The following GOLGA8B variants were observed in gnomAD, a reference collection of about 807,000 sequenced individuals.
The protein encoded by GOLGA8B is golgin subfamily A member 8B.
GOLGA8B carries 1 observed loss-of-function variant against 15.6 expected under a neutral mutation model. The ratio of observed to expected loss-of-function variants is 0.06; its 90% CI spans 0.02 to 0.30. The LOEUF is 0.30. Among genes scored for constraint, GOLGA8B ranks in the 10% least tolerant of loss-of-function variants. GOLGA8B has a pLI of 1.00. For synonymous variants in GOLGA8B, 9 were observed against 80.3 expected (o/e 0.11, Z 4.75); for missense variants, 17 against 201.3 (o/e 0.08, Z 5.54).
chr15:34,570,779 G>C (rs546633836), intron 1 of GOLGA8B, among the ~76,000 whole-genome samples: 1 of 108,736 alleles, frequency 9.2e-6, no homozygotes, highest in African/African-American at 3.1e-5. Context: ...TGATCAGCTA[G>C]AAAACAAGGC....
chr15:34,554,342 G>A (rs1042729073), intron 1 of GOLGA8B, among the ~76,000 whole-genome samples: 3 of 152,248 alleles, frequency 2.0e-5, no homozygotes, highest in Non-Finnish European at 2.9e-5. Flanking sequence ...GTGCACATGT[G>A]TGCATGTGTG....
intron 1 of GOLGA8B, among the ~76,000 whole-genome samples, chr15:34,571,869 A>C (rs1888923510): frequency 6.6e-6 from 1 of 152,112 alleles, no homozygotes; most frequent in Admixed American, 6.5e-5. Flanking sequence ...GTCTTTAAAC[A>C]AATTCAAAGG....
intron 1 of GOLGA8B, among the ~76,000 whole-genome samples, chr15:34,568,026 G>A (rs1385415369): frequency 6.6e-6 from 1 of 150,606 alleles, no homozygotes; most frequent in East Asian, 2.0e-4. Context: ...CTCAGATAAT[G>A]GAGACCCACC....
chr15:34,561,438 A>G (rs1888625332), intron 1 of GOLGA8B, among the ~76,000 whole-genome samples: 1 of 142,482 alleles, frequency 7.0e-6, no homozygotes, highest in Non-Finnish European at 1.5e-5. Context: ...CCCTGTACTT[A>G]TTAAGCAGTC....
intron 1 of GOLGA8B, among the ~76,000 whole-genome samples, chr15:34,572,051 G>A (rs76138015): frequency 6.6e-6 from 1 of 152,218 alleles, no homozygotes; most frequent in African/African-American, 2.4e-5. Context: ...ATTAAGCACA[G>A]AAGAAACAGC....
chr15:34,573,533 T>G (rs1369888338), intron 1 of GOLGA8B, among the ~76,000 whole-genome samples: 3 of 64,906 alleles, frequency 4.6e-5, no homozygotes, highest in Admixed American at 2.5e-4. Flanking sequence ...TGAGACTCCG[T>G]CTCAAAAAAA....
intron 1 of GOLGA8B, among the ~76,000 whole-genome samples, chr15:34,571,058 G>A (rs1452581845): frequency 6.8e-6 from 1 of 147,606 alleles, no homozygotes; most frequent in Non-Finnish European, 1.5e-5. Flanking sequence ...GGGTAGGGTG[G>A]CTCATGCCTG....
Position 34,570,696 on chromosome 15 carries a change from A to T in GOLGA8B, c.-1123+12820T>A, listed in dbSNP as rs1209788744. On this transcript the variant is annotated intron_variant, in intron 1 of 23. Transcript: ENST00000683415. The stretch of plus-strand genomic sequence containing the variant: ...GAAGAATGACAAACCATTTACATCA[A>T]CAGAGAGACTGAAGCAAGGTGGGCA... Among the ~76,000 whole-genome samples the T allele has an allele frequency of 2.4e-5, 3 of 127,512 alleles. 1 individual carries two copies. Among genetic ancestry groups the T allele is most frequent in the Non-Finnish European group, 5.2e-5 (3 of 58,128 alleles). The allele number at this position is 127,512 out of a possible 152,430, so 83.7% of individuals were successfully genotyped here. A position where few individuals can be genotyped will look rare whatever the true frequency, so the allele number is the denominator to read the frequency against.
Position 34,564,979 on chromosome 15 carries a change from A to G in GOLGA8B, c.-1122-11023T>C, listed in dbSNP as rs1400942110. Among the ~76,000 whole-genome samples the G allele has an allele frequency of 2.1e-5, 3 of 143,620 alleles. 1 individual carries two copies. The highest frequency in any genetic ancestry group is 4.8e-5 in the Non-Finnish European group (3 of 62,532). The allele number at this position is 143,620 out of a possible 152,430, so 94.2% of individuals were successfully genotyped here. ...GAGGGATGAATTAAGGGGCTGGAAA[A>G]CTGGCAGCAGGACGGCCTGTGCCCA... On this transcript the variant is annotated intron_variant, in intron 1 of 23. Coordinates refer to ENST00000683415, the MANE Select transcript of GOLGA8B (RefSeq NM_001023567.5).
chr15:34,547,814 AC>A (rs1339756376), intron 4 of GOLGA8B, among the ~76,000 whole-genome samples: 10 of 124,180 alleles, frequency 8.1e-5, no homozygotes, highest in Non-Finnish European at 1.6e-4. Flanking sequence ...GCCCTAACCA[AC>A]ATTAGTTTTC....
At chr15:34,577,609 G>A (rs1357696956) in intron 1 of GOLGA8B, among the ~76,000 whole-genome samples, 1 of 149,446 alleles carries the variant, frequency 6.7e-6, no homozygotes, top group Non-Finnish European at 1.5e-5. Context: ...TTATCATTAG[G>A]CAATTTCATC....
intron 1 of GOLGA8B, among the ~76,000 whole-genome samples, chr15:34,576,992 G>A (rs928618526): frequency 6.7e-6 from 1 of 150,276 alleles, no homozygotes; most frequent in Non-Finnish European, 1.5e-5. Flanking sequence ...ATGGGACACA[G>A]ACCTCCACGT....
At chr15:34,579,386 G>A (rs1203469212) in intron 1 of GOLGA8B, among the ~76,000 whole-genome samples, 8 of 152,148 alleles carry the variant, frequency 5.3e-5, no homozygotes, top group African/African-American at 1.2e-4. Context: ...TCCAGATGGA[G>A]TGGGAAGGGA....
chr15:34,576,713 A>G (rs1408475777), intron 1 of GOLGA8B, among the ~76,000 whole-genome samples: 1 of 152,228 alleles, frequency 6.6e-6, no homozygotes, highest in Non-Finnish European at 1.5e-5. Context: ...TCAGGGGCTC[A>G]GAATCTAGCA....
intron 5 of GOLGA8B, 57 bp downstream of exon 5, chr15:34,546,878 G>A (rs930238707): frequency 2.4e-5 from 2 of 83,226 alleles, no homozygotes; most frequent in Non-Finnish European, 4.4e-5. Context: ...TGCTTTATTC[G>A]TTACCCCGTA....
chr15:34,567,755 C>A (rs3853307), intron 1 of GOLGA8B, among the ~76,000 whole-genome samples: 17 of 151,784 alleles, frequency 1.1e-4, no homozygotes, highest in African/African-American at 3.4e-4. Context: ...CTAAAAGTTA[C>A]CATACAGATT....
At position 34,573,460 on chromosome 15, in the gene GOLGA8B, C is replaced by T. The variant is rs2002385; in HGVS notation, c.-1123+10056G>A. Among the ~76,000 whole-genome samples, 556 of 149,934 alleles carry T rather than the reference C, an allele frequency of 3.7e-3. 6 individuals are homozygous for T. Among genetic ancestry groups the T allele is most frequent in the African/African-American group, 0.013 (533 of 40,622 alleles). ...GCTGAGGAAGGAGAATGGCGTGAAC[C>T]CAGGAGGTGGAGCTTACAGTAAGCC... is the stretch of plus-strand genomic sequence containing the variant. On this transcript the variant is annotated intron_variant, in intron 1 of 23. Coordinates refer to ENST00000683415, the MANE Select transcript of GOLGA8B (RefSeq NM_001023567.5).
intron 1 of GOLGA8B, among the ~76,000 whole-genome samples, chr15:34,571,200 C>T (rs566841897): frequency 1.0e-3 from 156 of 152,220 alleles, no homozygotes; most frequent in Middle Eastern, 3.4e-3. Context: ...GTGGACCCTA[C>T]TACTTGGGAG....
At chr15:34,580,216 G>A (rs954506636) in intron 1 of GOLGA8B, among the ~76,000 whole-genome samples, 7 of 152,296 alleles carry the variant, frequency 4.6e-5, no homozygotes, top group African/African-American at 1.4e-4. Context: ...GATGGGGTGG[G>A]GACAACCCAG....
Sources: allele counts gnomAD v4.1 joint callset (sites outside exome capture counted in the v4.1 genomes callset), GRCh38; gene constraint gnomAD v4.1.1; transcripts MANE v1.5; gene names NCBI Gene and HGNC (gene_info 2026-07-23, HGNC 2026-07-21).